The following FBXL13 variants were observed in gnomAD, a reference collection of about 807,000 sequenced individuals.
The protein encoded by FBXL13 is F-box and leucine rich repeat protein 13.
In FBXL13, 67 loss-of-function variants were observed where a neutral mutation model predicts 83.6. The ratio of observed to expected loss-of-function variants is 0.80; its 90% CI spans 0.66 to 0.98. The LOEUF (loss-of-function observed/expected upper bound fraction) is 0.98. FBXL13 is among the 50% of genes least tolerant of loss of function. The probability of loss-of-function intolerance (pLI) is 0.00; values close to 1 mark genes in which losing one functional copy is unlikely to be tolerated. For synonymous variants in FBXL13, 272 were observed against 299.5 expected (o/e 0.91, Z 0.95); for missense variants, 822 against 866.5 (o/e 0.95, Z 0.64).
intron 6 of FBXL13, chr7:102,973,436 G>C (rs989543013): frequency 6.9e-6 from 5 of 719,938 alleles, no homozygotes; most frequent in Non-Finnish European, 1.3e-5. Flanking sequence ...CATCAGACTG[G>C]GACAATTCCT....
chr7:102,893,958 GAA>G (rs1411897998), intron 11 of FBXL13, among the ~76,000 whole-genome samples: 2 of 128,240 alleles, frequency 1.6e-5, no homozygotes, highest in Non-Finnish European at 3.2e-5. Context: ...AAGAAAGAAA[GAA>G]AGAGAGAAAG....
chr7:102,860,812 A>G (rs1190290821), intron 16 of FBXL13, among the ~76,000 whole-genome samples: 2 of 152,178 alleles, frequency 1.3e-5, no homozygotes, highest in Admixed American at 6.5e-5. Context: ...ATGTACGGAA[A>G]GGTTTAAAGA....
At chr7:102,892,179 G>T (rs948817560) in intron 11 of FBXL13, among the ~76,000 whole-genome samples, 6 of 152,132 alleles carry the variant, frequency 3.9e-5, no homozygotes, top group African/African-American at 1.4e-4. Flanking sequence ...TAGGAAACAC[G>T]ATCTTAGTCC....
chr7:102,860,185 G>A (rs1806601030), intron 16 of FBXL13, among the ~76,000 whole-genome samples: 1 of 152,144 alleles, frequency 6.6e-6, no homozygotes, highest in Non-Finnish European at 1.5e-5. Flanking sequence ...TCTCTCTGGG[G>A]AATATGAGTG....
intron 17 of FBXL13, among the ~76,000 whole-genome samples, chr7:102,853,412 A>C (rs1805560032): frequency 6.6e-6 from 1 of 152,210 alleles, no homozygotes; most frequent in Non-Finnish European, 1.5e-5. Flanking sequence ...AAAACCATAA[A>C]AACCCTAGAA....
At chr7:102,814,120 TA>T (rs967815683) in intron 19 of FBXL13, among the ~76,000 whole-genome samples, 1 of 152,088 alleles carries the variant, frequency 6.6e-6, no homozygotes, top group African/African-American at 2.4e-5. Flanking sequence ...AACAAGAAAG[TA>T]AAGAATGCAT....
intron 16 of FBXL13, among the ~76,000 whole-genome samples, chr7:102,875,184 G>C (rs774062914): frequency 2.0e-5 from 3 of 152,176 alleles, no homozygotes; most frequent in Non-Finnish European, 4.4e-5. Context: ...TAAAAATCCT[G>C]GGCCTTTAAG....
intron 8 of FBXL13, chr7:102,939,501 C>T (rs749563644): frequency 1.2e-6 from 2 of 1,613,786 alleles, no homozygotes; most frequent in African/African-American, 1.3e-5. Flanking sequence ...TAAAATCAAC[C>T]AACTTCGACC....
intron 18 of FBXL13, 28 bp from the exon 20 acceptor site, chr7:102,822,231 G>A: frequency 6.2e-7 from 1 of 1,609,530 alleles, no homozygotes; most frequent in South Asian, 1.1e-5. Context: ...GTAAGTACTG[G>A]TTATTCAAAC....
At chr7:103,067,296 AGAGG>A (rs1798496906) in intron 1 of FBXL13, among the ~76,000 whole-genome samples, 1 of 152,224 alleles carries the variant, frequency 6.6e-6, no homozygotes. Context: ...TCAATAGGAC[AGAGG>A]GAGAAACAGG....
intron 1 of FBXL13, among the ~76,000 whole-genome samples, chr7:103,058,878 A>T (rs528360849): frequency 8.5e-5 from 13 of 152,356 alleles, no homozygotes; most frequent in Non-Finnish European, 1.5e-4. Flanking sequence ...GCTATCCTGC[A>T]GAAGTCAGGT....
chr7:102,832,733 A>G (rs1262496177), intron 18 of FBXL13, 107 bp downstream of exon 19: 5 of 1,317,682 alleles, frequency 3.8e-6, no homozygotes, highest in Admixed American at 2.7e-5. Context: ...GAATACCTCA[A>G]CCATGGCAAA....
At chr7:102,829,163 T>C (rs1029123018) in intron 18 of FBXL13, among the ~76,000 whole-genome samples, 1 of 152,160 alleles carries the variant, frequency 6.6e-6, no homozygotes, top group African/African-American at 2.4e-5. Context: ...AAGTGGAACA[T>C]TTACAGTTGA....
At chr7:102,894,645 C>T (rs1812029047) in intron 11 of FBXL13, among the ~76,000 whole-genome samples, 1 of 151,664 alleles carries the variant, frequency 6.6e-6, no homozygotes, top group South Asian at 2.1e-4. Flanking sequence ...AGGAGGATCC[C>T]TTGAGCCCAG....
chr7:103,002,305 C>G (rs1790484931), intron 6 of FBXL13, among the ~76,000 whole-genome samples: 1 of 152,144 alleles, frequency 6.6e-6, no homozygotes, highest in South Asian at 2.1e-4. Flanking sequence ...AAACTCTACA[C>G]TTTAACTCAA....
chr7:102,959,186 A>C (rs1343719467), intron 8 of FBXL13, among the ~76,000 whole-genome samples: 1 of 152,132 alleles, frequency 6.6e-6, no homozygotes, highest in Admixed American at 6.6e-5. Context: ...AGATACAATA[A>C]CATCATATAA....
chr7:103,010,885 C>A (rs1217489376), intron 6 of FBXL13, among the ~76,000 whole-genome samples: 1 of 152,206 alleles, frequency 6.6e-6, no homozygotes, highest in South Asian at 2.1e-4. Context: ...CAACCGAACA[C>A]CCAACAAAAG....
intron 6 of FBXL13, among the ~76,000 whole-genome samples, chr7:103,015,385 G>T (rs1792167040): frequency 6.6e-6 from 1 of 152,190 alleles, no homozygotes; most frequent in Non-Finnish European, 1.5e-5. Flanking sequence ...CTCAAAGGAA[G>T]AGAGAAAGTC....
chr7:103,042,089 A>C (rs9770699), intron 2 of FBXL13, among the ~76,000 whole-genome samples: 94,803 of 151,976 alleles, frequency 0.62, 30,489 homozygotes, highest in Non-Finnish European at 0.7. Flanking sequence ...GTCTCAGCCC[A>C]AAATCTCCTT....
Sources: allele counts gnomAD v4.1 joint callset (sites outside exome capture counted in the v4.1 genomes callset), GRCh38; gene constraint gnomAD v4.1.1; transcripts MANE v1.5; gene names NCBI Gene and HGNC (gene_info 2026-07-23, HGNC 2026-07-21).